The following HHLA2 variants were observed in gnomAD, a reference collection of about 807,000 sequenced individuals.
HHLA2 encodes the protein HERV-H LTR-associating protein 2.
Under a neutral mutation model 45.9 loss-of-function variants are expected in HHLA2, and 48 were observed. The observed-to-expected ratio is 1.05, with a 90% CI of 0.83 to 1.33. The LOEUF (loss-of-function observed/expected upper bound fraction) is 1.33, where lower values mean the gene tolerates loss of function less well. Ranked by LOEUF, HHLA2 falls within the 40% of genes most tolerant of loss-of-function variation. The pLI is 0.00. For missense variants in HHLA2, 462 were observed against 494.3 expected, an observed-to-expected ratio of 0.93 and a Z score of 0.62; for synonymous variants, 161 against 173.9, an observed-to-expected ratio of 0.93 and a Z score of 0.59.
intron 3 of HHLA2, among the ~76,000 whole-genome samples, chr3:108,339,397 A>T (rs1448408214): frequency 2.0e-5 from 3 of 152,176 alleles, no homozygotes; most frequent in Non-Finnish European, 4.4e-5. Flanking sequence ...CATAAGCCCA[A>T]CTTAATTTAG....
At chr3:108,375,705 G>A (rs375991296) in intron 8 of HHLA2, 45 bp from the exon 8 acceptor site, 5 of 1,595,238 alleles carry the variant, frequency 3.1e-6, no homozygotes, top group Non-Finnish European at 4.3e-6. Flanking sequence ...AAACAGCTGG[G>A]AGAGTAAATA....
intron 3 of HHLA2, among the ~76,000 whole-genome samples, chr3:108,339,708 A>C (rs2081533444): frequency 6.6e-6 from 1 of 152,138 alleles, no homozygotes; most frequent in African/African-American, 2.4e-5. Flanking sequence ...CCTAGTAAAC[A>C]CTGTTCATTG....
intron 3 of HHLA2, 121 bp from the exon 3 acceptor site, chr3:108,351,667 A>T (rs1188857847): frequency 5.0e-6 from 3 of 596,172 alleles, no homozygotes; most frequent in Non-Finnish European, 8.8e-6. Context: ...CCATTGAACC[A>T]TCCTTTACAA....
intron 6 of HHLA2, 32 bp from the exon 6 acceptor site, chr3:108,357,812 C>G (rs1188082471): frequency 6.6e-7 from 1 of 1,517,620 alleles, no homozygotes; most frequent in Non-Finnish European, 9.0e-7. Flanking sequence ...TGTTTATCTT[C>G]ATTGATGTTT....
chr3:108,341,191 A>G (rs6785516), intron 3 of HHLA2, among the ~76,000 whole-genome samples: 130,038 of 151,968 alleles, frequency 0.86, 57,106 homozygotes, highest in Non-Finnish European at 0.93. Context: ...GACCTCAGGT[A>G]ATCCGCCCGC....
intron 3 of HHLA2, among the ~76,000 whole-genome samples, chr3:108,328,535 A>G (rs763390357): frequency 1.3e-5 from 2 of 152,188 alleles, no homozygotes; most frequent in Non-Finnish European, 2.9e-5. Context: ...AAAAGGAGTT[A>G]GGTAACTTGG....
At chr3:108,371,891 C>G (rs1356484875) in intron 8 of HHLA2, among the ~76,000 whole-genome samples, 1 of 152,070 alleles carries the variant, frequency 6.6e-6, no homozygotes, top group Non-Finnish European at 1.5e-5. Flanking sequence ...ACTTTAACAC[C>G]CCACTGTCAA....
At chr3:108,303,744 G>GT (rs1430565586) in intron 1 of HHLA2, among the ~76,000 whole-genome samples, 1 of 152,088 alleles carries the variant, frequency 6.6e-6, no homozygotes, top group African/African-American at 2.4e-5. Flanking sequence ...TAGCATGTCA[G>GT]TTTTTTATTT....
chr3:108,371,342 A>G (rs1327200864), intron 8 of HHLA2, among the ~76,000 whole-genome samples: 1 of 152,096 alleles, frequency 6.6e-6, no homozygotes, highest in African/African-American at 2.4e-5. Context: ...AACATGGAAA[A>G]AACAACCGGT....
intron 2 of HHLA2, among the ~76,000 whole-genome samples, chr3:108,324,983 G>C (rs1207212181): frequency 2.6e-5 from 4 of 152,020 alleles, no homozygotes; most frequent in Non-Finnish European, 5.9e-5. Context: ...GCAATGAAAA[G>C]ATTCTATATT....
At chr3:108,372,375 G>A (rs2082193526) in intron 8 of HHLA2, among the ~76,000 whole-genome samples, 2 of 151,716 alleles carry the variant, frequency 1.3e-5, no homozygotes, top group South Asian at 2.1e-4. Context: ...GAGAAAGCAG[G>A]AAAGATCCAA....
At chr3:108,356,975 A>C (rs2081904448) in intron 6 of HHLA2, among the ~76,000 whole-genome samples, 1 of 152,196 alleles carries the variant, frequency 6.6e-6, no homozygotes, top group South Asian at 2.1e-4. Flanking sequence ...GAAAAGTAAA[A>C]TTGCCTGGAT....
chr3:108,321,832 T>G (rs2081208513), intron 2 of HHLA2, among the ~76,000 whole-genome samples: 1 of 152,206 alleles, frequency 6.6e-6, no homozygotes, highest in African/African-American at 2.4e-5. Flanking sequence ...GTCTATTTAC[T>G]GTCTAGGAGA....
At chr3:108,374,562 A>G (rs1478224294) in intron 8 of HHLA2, among the ~76,000 whole-genome samples, 1 of 151,608 alleles carries the variant, frequency 6.6e-6, no homozygotes. Flanking sequence ...ATGGGAGAAA[A>G]TTTTCGCAAC....
chr3:108,352,138 T>G (rs2081789671), intron 4 of HHLA2, among the ~76,000 whole-genome samples: 1 of 65,052 alleles, frequency 1.5e-5, no homozygotes. Context: ...GCAAGTTTGA[T>G]TGATTGATTT....
chr3:108,321,870 T>A (rs1243289539), intron 2 of HHLA2, among the ~76,000 whole-genome samples: 1 of 152,204 alleles, frequency 6.6e-6, no homozygotes, highest in Non-Finnish European at 1.5e-5. Flanking sequence ...TCTAACCCTG[T>A]TAATGACTTC....
At chr3:108,360,553 G>C (rs2081969340) in intron 7 of HHLA2, among the ~76,000 whole-genome samples, 1 of 152,182 alleles carries the variant, frequency 6.6e-6, no homozygotes, top group Non-Finnish European at 1.5e-5. Context: ...TTGAACACAA[G>C]CATTGTTATA....
At chr3:108,299,329 A>T (rs1230570088) in intron 1 of HHLA2, among the ~76,000 whole-genome samples, 1 of 144,400 alleles carries the variant, frequency 6.9e-6, no homozygotes, top group African/African-American at 2.5e-5. Flanking sequence ...CAGAAAAAAT[A>T]TATATATATA....
intron 3 of HHLA2, among the ~76,000 whole-genome samples, chr3:108,330,073 C>G (rs2081357104): frequency 6.6e-6 from 1 of 152,092 alleles, no homozygotes; most frequent in Non-Finnish European, 1.5e-5. Flanking sequence ...CATATGGGCT[C>G]TCTGTGGGGC....
Sources: gnomAD v4.1 joint callset for allele counts (sites outside exome capture counted in the v4.1 genomes callset) on GRCh38, gnomAD v4.1.1 for gene constraint, MANE v1.5 for transcripts, NCBI Gene and HGNC (gene_info 2026-07-23, HGNC 2026-07-21) for gene names.